The following CHD1 variants were observed in gnomAD, a reference collection of about 807,000 sequenced individuals.
The protein encoded by CHD1 is chromodomain helicase DNA binding protein 1, also known as ATP-dependent chromatin remodeler CHD1.
CHD1 carries 36 observed loss-of-function variants against 224.2 expected under a neutral mutation model. That is an observed-to-expected ratio of 0.16 (90% CI 0.12 to 0.21). CHD1 has a LOEUF of 0.21. CHD1 is among the 10% of genes least tolerant of loss of function. CHD1 has a pLI of 1.00. For synonymous variants in CHD1, 668 were observed against 658.3 expected, an observed-to-expected ratio of 1.01 and a Z score of -0.23; for missense variants, 1,378 against 1,994.8, an observed-to-expected ratio of 0.69 and a Z score of 5.89.
At chr5:98,901,918 A>C (rs941784480) in intron 5 of CHD1, among the ~76,000 whole-genome samples, 3 of 152,120 alleles carry the variant, frequency 2.0e-5, no homozygotes, top group Non-Finnish European at 2.9e-5. Context: ...TGAAAGGCAC[A>C]CATTGAATTC....
chr5:98,920,004 A>T (rs1458987986), intron 2 of CHD1, among the ~76,000 whole-genome samples: 2 of 152,086 alleles, frequency 1.3e-5, no homozygotes, highest in African/African-American at 4.8e-5. Flanking sequence ...GAGCCAACCT[A>T]AAAAAGCTTC....
chr5:98,866,790 A>G (rs79653596), intron 31 of CHD1, among the ~76,000 whole-genome samples: 9 of 152,136 alleles, frequency 5.9e-5, no homozygotes, highest in African/African-American at 2.2e-4. Flanking sequence ...TGTGGCTTGT[A>G]AGGAAACATT....
chr5:98,881,203 T>G (rs1750149445), intron 21 of CHD1, 32 bp from the exon 22 acceptor site: 2 of 1,481,170 alleles, frequency 1.4e-6, no homozygotes, highest in Non-Finnish European at 9.2e-7. Context: ...TTAAATATAC[T>G]TGAATCCTTT....
chr5:98,896,039 CTAAAAAATA>C (rs1464335043), intron 12 of CHD1, among the ~76,000 whole-genome samples, 178 bp downstream of exon 12: 2 of 152,054 alleles, frequency 1.3e-5, no homozygotes, highest in African/African-American at 2.4e-5. Flanking sequence ...CCTGTCTCCA[CTAAAAAATA>C]TAAAAAATTA....
chr5:98,859,652 A>G (rs926619016), intron 33 of CHD1, among the ~76,000 whole-genome samples: 1 of 152,102 alleles, frequency 6.6e-6, no homozygotes, highest in Non-Finnish European at 1.5e-5. Flanking sequence ...CATGATGCTG[A>G]TATGTCTTAA....
At position 98,926,483 on chromosome 5, in the gene CHD1, GA is replaced by G; in HGVS notation, c.-98del. On this transcript the variant is annotated 5_prime_UTR_variant, in exon 2 of 36. Transcript: ENST00000614616. Reference sequence around the variant, plus strand: ...GACTCCTTGAATATAAAAATTCACAGATGAATTTTCTTCAACAGTCACAGGT... The same window carrying G: ...GACTCCTTGAATATAAAAATTCACAGTGAATTTTCTTCAACAGTCACAGGT... 1.7e-6 allele frequency: 1 copy of G among 574,392 alleles called. No homozygotes were observed. The highest frequency in any genetic ancestry group is 2.8e-6 in the Non-Finnish European group (1 of 358,780). The allele number at this position is 574,392 out of a possible 1,614,324, so 35.6% of individuals were successfully genotyped here. A position where few individuals can be genotyped will look rare whatever the true frequency, so the allele number is the denominator to read the frequency against.
chr5:98,883,374 C>A, intron 18 of CHD1, 137 bp from the exon 19 acceptor site: 1 of 486,598 alleles, frequency 2.1e-6, no homozygotes, highest in Non-Finnish European at 3.7e-6. Context: ...AAAAAGACTC[C>A]AAAATCAAAT....
rs762012636 is a variant in CHD1 at position 98,881,145 on chromosome 5, C to G, written c.2991G>C (p.Lys997Asn). The change falls in exon 22 of 36, where the codon AAG (lysine) becomes AAC (asparagine). Residue 997 changes from lysine (K) to asparagine (N), a missense_variant. Physicochemically the swap from Lys to Asn is moderately conservative, Grantham distance 94 (BLOSUM62 0). Around this residue, in one of 16 missense-constraint regions of CHD1, gnomAD observed 286 missense variants for 445.1 expected, o/e 0.64. Coordinates refer to ENST00000614616, the MANE Select transcript of CHD1 (RefSeq NM_001270.4). ...PQEMDIDEIL[K>N]RAETHENEPG... The stretch of plus-strand genomic sequence containing the variant: ...GTTCATTTTCATGAGTTTCAGCTCT[C>G]TTCAAGATTTCATCTATATCCATTT... 1 of 1,607,062 alleles carries G rather than the reference C, an allele frequency of 6.2e-7. No individual in the cohort carries two copies. The highest frequency in any genetic ancestry group is 2.2e-5 in the East Asian group (1 of 44,688).
chr5:98,924,922 G>T (rs559644695), intron 2 of CHD1, among the ~76,000 whole-genome samples: 2 of 151,516 alleles, frequency 1.3e-5, no homozygotes, highest in Admixed American at 6.6e-5. Flanking sequence ...AGGTTGCAGT[G>T]AGCCGGGATC....
intron 15 of CHD1, among the ~76,000 whole-genome samples, chr5:98,892,219 T>TA (rs1751066675): frequency 6.6e-6 from 1 of 152,214 alleles, no homozygotes; most frequent in African/African-American, 2.4e-5. Context: ...CATAATCATA[T>TA]AATACCTTTA....
intron 31 of CHD1, 109 bp downstream of exon 31, chr5:98,868,386 C>A (rs1749066448): frequency 1.0e-4 from 58 of 578,338 alleles, no homozygotes; most frequent in East Asian, 3.9e-4. Context: ...TTGCTTTTAT[C>A]AATCTACAAT....
At chr5:98,917,955 G>A (rs766939414) in intron 2 of CHD1, among the ~76,000 whole-genome samples, 2 of 152,208 alleles carry the variant, frequency 1.3e-5, no homozygotes, top group Middle Eastern at 3.4e-3. Flanking sequence ...TAAAACTAGT[G>A]GTTCCAACCC....
chr5:98,858,922 ATTTTT>A (rs750505760), intron 34 of CHD1, 37 bp downstream of exon 34: 1 of 1,399,986 alleles, frequency 7.1e-7, no homozygotes, highest in East Asian at 2.7e-5. Flanking sequence ...TTTAAAAAAA[ATTTTT>A]TTTAATTTAT....
At chr5:98,873,498 GAATA>G in intron 26 of CHD1, 91 bp downstream of exon 26, 1 of 954,258 alleles carries the variant, frequency 1.0e-6, no homozygotes, top group Non-Finnish European at 1.4e-6. Context: ...TGAGACTGAT[GAATA>G]AATAATTTAA....
intron 3 of CHD1, 75 bp from the exon 4 acceptor site, chr5:98,903,983 C>A: frequency 1.2e-6 from 1 of 850,496 alleles, no homozygotes; most frequent in Non-Finnish European, 1.9e-6. Flanking sequence ...TATTGAAAAA[C>A]TATACCACCA....
At chr5:98,876,105 C>CTG (rs1381493397) in intron 24 of CHD1, among the ~76,000 whole-genome samples, 1 of 152,120 alleles carries the variant, frequency 6.6e-6, no homozygotes, top group Admixed American at 6.5e-5. Flanking sequence ...AAATCAAATG[C>CTG]ATCAAAACTA....
intron 2 of CHD1, among the ~76,000 whole-genome samples, chr5:98,916,150 C>T (rs1752714570): frequency 6.6e-6 from 1 of 151,120 alleles, no homozygotes; most frequent in Non-Finnish European, 1.5e-5. Context: ...CAAGACTGTA[C>T]CACTGCACTC....
intron 15 of CHD1, among the ~76,000 whole-genome samples, chr5:98,891,128 C>CA (rs1384839745): frequency 6.6e-6 from 1 of 152,132 alleles, no homozygotes; most frequent in Non-Finnish European, 1.5e-5. Flanking sequence ...GGCTGGAGTG[C>CA]AGTGGCATGA....
At chr5:98,863,264 A>G (rs1376298372) in intron 32 of CHD1, 144 bp downstream of exon 32, 1 of 454,228 alleles carries the variant, frequency 2.2e-6, no homozygotes, top group African/African-American at 2.0e-5. Context: ...CATTAAAGGG[A>G]GAAAAATTAA....
Sources: allele counts gnomAD v4.1 joint callset (sites outside exome capture counted in the v4.1 genomes callset), GRCh38; gene constraint gnomAD v4.1.1; regional missense constraint gnomAD v4.1.1; transcripts MANE v1.5; gene names NCBI Gene and HGNC (gene_info 2026-07-23, HGNC 2026-07-21).